Variants in TTC21B observed in about 807,000 individuals in gnomAD.
TTC21B encodes the protein tetratricopeptide repeat protein 21B.
Under a neutral mutation model 175.1 loss-of-function variants are expected in TTC21B, and 127 were observed. The ratio of observed to expected loss-of-function variants is 0.73; its 90% CI spans 0.63 to 0.84. TTC21B has a LOEUF of 0.84. Ranked by LOEUF, TTC21B falls within the 40% of genes least tolerant of loss-of-function variation. The pLI is 0.00. For synonymous variants in TTC21B, 524 were observed against 524.5 expected, an observed-to-expected ratio of 1.00 and a Z score of 0.01; for missense variants, 1,561 against 1,558.3, an observed-to-expected ratio of 1.00 and a Z score of -0.03.
chr2:165,888,541 C>A, intron 24 of TTC21B, 67 bp from the exon 25 acceptor site: 2 of 1,322,280 alleles, frequency 1.5e-6, no homozygotes, highest in South Asian at 2.5e-5. Context: ...AGATTAGAAT[C>A]AGCTTTTGTA....
chr2:165,913,428 C>T, intron 16 of TTC21B, 146 bp downstream of exon 16: 8 of 610,694 alleles, frequency 1.3e-5, no homozygotes, highest in Non-Finnish European at 2.3e-5. Context: ...TTTATTTATC[C>T]TTTAAAATGG....
intron 20 of TTC21B, 120 bp from the exon 21 acceptor site, chr2:165,900,000 A>T: frequency 2.2e-6 from 1 of 459,086 alleles, no homozygotes; most frequent in Non-Finnish European, 4.1e-6. Context: ...AATGCCAAGT[A>T]TAATAGACAA....
At chr2:165,891,104 A>T in intron 22 of TTC21B, 116 bp from the exon 23 acceptor site, 1 of 912,028 alleles carries the variant, frequency 1.1e-6, no homozygotes, top group African/African-American at 1.7e-5. Context: ...TTTAAATATA[A>T]ATAAAAAATG....
intron 15 of TTC21B, among the ~76,000 whole-genome samples, chr2:165,914,655 ATCTGTGTGTGTGTGTGTG>A (rs1185629136): frequency 2.6e-5 from 2 of 75,682 alleles, no homozygotes; most frequent in Admixed American, 1.5e-4. Context: ...AGGAAGAGCA[ATCTGTGTGTGTGTGTGTG>A]TGTGTGTGTG....
In TTC21B at chr2:165,910,364, T is replaced by C. The variant is rs560357640; in HGVS notation, c.2461+963A>G. ...CTTGCAGTGAGCTGAGATCGTGCCA[T>C]TGCACTCCAGCCTGGGCAACAGAGT... is the stretch of plus-strand genomic sequence containing the variant. On this transcript the variant is annotated intron_variant, in intron 18 of 28. Transcript: ENST00000243344. Among the ~76,000 whole-genome samples, 319 of 151,906 alleles carry C rather than the reference T, an allele frequency of 2.1e-3. 1 individual carries two copies. The highest frequency in any genetic ancestry group is 7.4e-3 in the African/African-American group (305 of 41,452).
chr2:165,906,852 G>A (rs544320801), intron 19 of TTC21B, among the ~76,000 whole-genome samples: 1 of 151,038 alleles, frequency 6.6e-6, no homozygotes, highest in Admixed American at 6.6e-5. Context: ...CAACTCAGGA[G>A]GCTGAGACAA....
chr2:165,924,619 C>T lies in TTC21B; in HGVS notation c.1446G>A (p.Glu482=). Reference sequence around the variant, plus strand: ...GACCTGGAACAGTTCTTACTACAGTCTCCAGGACTGAGATGCAACGCCTGA... The same window carrying T: ...GACCTGGAACAGTTCTTACTACAGTTTCCAGGACTGAGATGCAACGCCTGA... ...PLLRRCISVL[E]TVVRTVPGLL... Residue 482 remains glutamate, a synonymous_variant, in exon 12 of 29, where the codon GAG becomes GAA. Transcript: ENST00000243344. The T allele has an allele frequency of 6.2e-7, 1 of 1,613,780 alleles. No individual in the cohort carries two copies. Among genetic ancestry groups the T allele is most frequent in the East Asian group, 2.2e-5 (1 of 44,808 alleles).
intron 14 of TTC21B, among the ~76,000 whole-genome samples, chr2:165,916,143 G>C (rs573448975): frequency 1.7e-4 from 26 of 152,248 alleles, no homozygotes; most frequent in Admixed American, 8.5e-4. Context: ...AGCTGGGCAT[G>C]GCCCAGCTAC....
At chr2:165,882,831 T>G (rs1478095220) in intron 26 of TTC21B, among the ~76,000 whole-genome samples, 1 of 152,178 alleles carries the variant, frequency 6.6e-6, no homozygotes, top group Non-Finnish European at 1.5e-5. Context: ...GCAATCTTGG[T>G]TAATCCTAGA....
At chr2:165,933,502 C>A (rs1686989181) in intron 6 of TTC21B, among the ~76,000 whole-genome samples, 1 of 152,062 alleles carries the variant, frequency 6.6e-6, no homozygotes, top group Non-Finnish European at 1.5e-5. Flanking sequence ...ATTAAAAAAT[C>A]TTATTAATAA....
intron 25 of TTC21B, among the ~76,000 whole-genome samples, chr2:165,887,409 G>C (rs577834003): frequency 0.2 from 36 of 184 alleles, 1 homozygote; most frequent in Admixed American, 0.44. Context: ...CTGTGTGAGG[G>C]AAGGAAAACA....
At chr2:165,947,193 T>TATATATATATATATATATATATATATA (rs61351063) in intron 3 of TTC21B, 37 of 134,728 alleles carry the variant, frequency 2.7e-4, no homozygotes, top group South Asian at 4.8e-4. Flanking sequence ...TATATATATA[T>TATATATATATATATATATATATATATA]TAGTATCTGC....
At chr2:165,925,859 T>C (rs1283152526) in intron 11 of TTC21B, among the ~76,000 whole-genome samples, 2 of 152,182 alleles carry the variant, frequency 1.3e-5, no homozygotes, top group Admixed American at 1.3e-4. Context: ...ATCTGTTTTT[T>C]TCAGCCTAAG....
intron 20 of TTC21B, among the ~76,000 whole-genome samples, chr2:165,900,904 CTTTT>C (rs34392684): frequency 2.9e-5 from 4 of 135,726 alleles, no homozygotes; most frequent in Admixed American, 7.4e-5. Context: ...TTTTTCTTTT[CTTTT>C]TTTTTTTTTT....
chr2:165,950,540 G>A (rs978533981), intron 1 of TTC21B, among the ~76,000 whole-genome samples: 18 of 152,300 alleles, frequency 1.2e-4, no homozygotes, highest in African/African-American at 4.3e-4. Context: ...GGACTCTACA[G>A]CTTGTTCAGT....
At chr2:165,904,833 G>A (rs1685677864) in intron 19 of TTC21B, among the ~76,000 whole-genome samples, 1 of 152,148 alleles carries the variant, frequency 6.6e-6, no homozygotes, top group Non-Finnish European at 1.5e-5. Context: ...AAGAAGGTAA[G>A]TGATGATTTC....
chr2:165,953,587 C>T (rs1553517170), intron 1 of TTC21B, 98 bp downstream of exon 1: 2 of 1,526,790 alleles, frequency 1.3e-6, no homozygotes, highest in African/African-American at 1.4e-5. Flanking sequence ...AGCGGCCTAG[C>T]GAAGCCACCC....
At chr2:165,879,128 C>T (rs1194102919) in intron 27 of TTC21B, among the ~76,000 whole-genome samples, 2 of 151,936 alleles carry the variant, frequency 1.3e-5, no homozygotes, top group Non-Finnish European at 2.9e-5. Context: ...GAAATGATTA[C>T]CAAAGCAAAG....
chr2:165,922,088 TTAAG>T (rs1000671395), intron 12 of TTC21B, among the ~76,000 whole-genome samples: 36 of 152,200 alleles, frequency 2.4e-4, no homozygotes, highest in Non-Finnish European at 1.6e-4. Context: ...ACTTTAACAA[TTAAG>T]TATTACTAGA....
Sources: gnomAD v4.1 joint callset for allele counts (sites outside exome capture counted in the v4.1 genomes callset) on GRCh38, gnomAD v4.1.1 for gene constraint, MANE v1.5 for transcripts, NCBI Gene and HGNC (gene_info 2026-07-23, HGNC 2026-07-21) for gene names.